Variants in ARHGAP24 observed in about 807,000 individuals in gnomAD.
The protein encoded by ARHGAP24 is Rho GTPase activating protein 24.
In ARHGAP24, 50 loss-of-function variants were observed where a neutral mutation model predicts 76.4. That is an observed-to-expected ratio of 0.65 (90% CI 0.52 to 0.83). The LOEUF is 0.83. Among genes scored for constraint, ARHGAP24 ranks in the 40% least tolerant of loss-of-function variants. The probability of loss-of-function intolerance (pLI) is 0.00; values close to 1 mark genes in which losing one functional copy is unlikely to be tolerated. For missense variants in ARHGAP24, 930 were observed against 914.2 expected, an observed-to-expected ratio of 1.02 and a Z score of -0.22; for synonymous variants, 345 against 323.3, an observed-to-expected ratio of 1.07 and a Z score of -0.72.
At chr4:85,699,973 A>G (rs985017060) in intron 2 of ARHGAP24, among the ~76,000 whole-genome samples, 11 of 152,234 alleles carry the variant, frequency 7.2e-5, no homozygotes, top group Admixed American at 5.9e-4. Flanking sequence ...TTAAAAATTA[A>G]TAATATTAAG....
At chr4:85,488,073 AT>A (rs1451878088) in intron 1 of ARHGAP24, among the ~76,000 whole-genome samples, 1 of 150,460 alleles carries the variant, frequency 6.6e-6, no homozygotes, top group Non-Finnish European at 1.5e-5. Context: ...CGCCCGGCTA[AT>A]TTTTTGTTGT....
intron 3 of ARHGAP24, among the ~76,000 whole-genome samples, chr4:85,896,219 T>C (rs1734171013): frequency 6.6e-6 from 1 of 152,236 alleles, no homozygotes; most frequent in Non-Finnish European, 1.5e-5. Flanking sequence ...TTTAACTTTT[T>C]GATTTTAGGA....
chr4:85,630,707 T>C (rs1249437306), intron 2 of ARHGAP24, among the ~76,000 whole-genome samples: 2 of 152,056 alleles, frequency 1.3e-5, no homozygotes, highest in African/African-American at 4.8e-5. Flanking sequence ...ATACTCTATC[T>C]AACATTGTAC....
intron 2 of ARHGAP24, among the ~76,000 whole-genome samples, chr4:85,652,277 A>T (rs900942204): frequency 6.6e-6 from 1 of 152,236 alleles, no homozygotes; most frequent in Non-Finnish European, 1.5e-5. Context: ...TGATTTTCAT[A>T]AAGAATATGT....
chr4:85,972,315 C>A, intron 6 of ARHGAP24, 147 bp downstream of exon 6: 1 of 998,234 alleles, frequency 1.0e-6, no homozygotes, highest in Non-Finnish European at 1.5e-6. Flanking sequence ...TGAGACTTTC[C>A]GTATACAGCT....
At chr4:85,530,518 C>G (rs958025975) in intron 1 of ARHGAP24, among the ~76,000 whole-genome samples, 1 of 151,932 alleles carries the variant, frequency 6.6e-6, no homozygotes. Flanking sequence ...TTTTTCAGGA[C>G]AAAGGTATTT....
chr4:85,997,560 A>G (rs137931757), intron 9 of ARHGAP24, among the ~76,000 whole-genome samples: 1 of 152,268 alleles, frequency 6.6e-6, no homozygotes, highest in Admixed American at 6.5e-5. Context: ...ATTTTACTTT[A>G]ATTATCAGTC....
At chr4:85,941,319 A>G (rs1358016926) in intron 4 of ARHGAP24, among the ~76,000 whole-genome samples, 4 of 152,208 alleles carry the variant, frequency 2.6e-5, no homozygotes, top group Non-Finnish European at 5.9e-5. Context: ...TTGTAAAATC[A>G]TTAATAAATC....
intron 2 of ARHGAP24, among the ~76,000 whole-genome samples, chr4:85,579,504 T>G (rs1017418785): frequency 6.6e-6 from 1 of 151,624 alleles, no homozygotes; most frequent in Non-Finnish European, 1.5e-5. Context: ...TTTTTTTTTT[T>G]TTTTTGCTAT....
intron 1 of ARHGAP24, among the ~76,000 whole-genome samples, chr4:85,538,684 G>A (rs1033094007): frequency 3.3e-5 from 5 of 152,136 alleles, no homozygotes; most frequent in Admixed American, 2.6e-4. Context: ...TACCAAAGAA[G>A]AGTAAGTATT....
At chr4:85,497,691 A>G (rs191361485) in intron 1 of ARHGAP24, among the ~76,000 whole-genome samples, 113 of 152,266 alleles carry the variant, frequency 7.4e-4, no homozygotes, top group African/African-American at 2.4e-3. Context: ...GTGGTGGTGC[A>G]GGCCTATAAT....
At chr4:85,988,343 A>T (rs1247177770) in intron 8 of ARHGAP24, among the ~76,000 whole-genome samples, 1 of 151,804 alleles carries the variant, frequency 6.6e-6, no homozygotes, top group African/African-American at 2.4e-5. Context: ...AAGCAAAAAT[A>T]AGATAATGTA....
intron 2 of ARHGAP24, among the ~76,000 whole-genome samples, chr4:85,694,033 C>G (rs1397977648): frequency 6.6e-6 from 1 of 152,210 alleles, no homozygotes; most frequent in Non-Finnish European, 1.5e-5. Flanking sequence ...GGGCCAGGAA[C>G]TAGCCCTAGC....
At chr4:85,983,228 G>C (rs1422908258) in intron 8 of ARHGAP24, among the ~76,000 whole-genome samples, 3 of 152,150 alleles carry the variant, frequency 2.0e-5, no homozygotes, top group African/African-American at 4.8e-5. Flanking sequence ...TATTGCTGCA[G>C]TGAACATATG....
chr4:85,895,000 G>GAAAAAA (rs1560701790), intron 3 of ARHGAP24, among the ~76,000 whole-genome samples: 4 of 47,988 alleles, frequency 8.3e-5, no homozygotes, highest in East Asian at 6.2e-4. Context: ...AAAACAAAAA[G>GAAAAAA]CAAAAAAAAA....
chr4:85,564,638 A>G (rs1171874812), intron 1 of ARHGAP24, among the ~76,000 whole-genome samples: 3 of 151,372 alleles, frequency 2.0e-5, no homozygotes, highest in Admixed American at 1.3e-4. Context: ...TGAGGGGGAG[A>G]TGGTTTGGGG....
intron 2 of ARHGAP24, among the ~76,000 whole-genome samples, chr4:85,701,499 G>A (rs919632408): frequency 1.3e-5 from 2 of 151,800 alleles, no homozygotes; most frequent in Non-Finnish European, 2.9e-5. Context: ...TTTGCTGTTT[G>A]CATCTTTTCA....
chr4:85,482,340 A>G (rs748587146), intron 1 of ARHGAP24, among the ~76,000 whole-genome samples: 2 of 152,120 alleles, frequency 1.3e-5, no homozygotes, highest in Non-Finnish European at 2.9e-5. Context: ...TTGATTGGAG[A>G]CTTCATTTAT....
At chr4:85,852,317 T>C (rs1731280492) in intron 3 of ARHGAP24, among the ~76,000 whole-genome samples, 1 of 152,234 alleles carries the variant, frequency 6.6e-6, no homozygotes, top group Non-Finnish European at 1.5e-5. Context: ...TAAGGTTTTC[T>C]CTACACTGGT....
Sources: gnomAD v4.1 joint callset for allele counts (sites outside exome capture counted in the v4.1 genomes callset) on GRCh38, gnomAD v4.1.1 for gene constraint, MANE v1.5 for transcripts, NCBI Gene and HGNC (gene_info 2026-07-23, HGNC 2026-07-21) for gene names.